The following PICALM variants were observed in gnomAD, a reference collection of about 807,000 sequenced individuals.
The protein encoded by PICALM is phosphatidylinositol-binding clathrin assembly protein.
In PICALM, 40 loss-of-function variants were observed where a neutral mutation model predicts 80.5. The ratio of observed to expected loss-of-function variants is 0.50; its 90% CI spans 0.39 to 0.65. The LOEUF is 0.65. Ranked by LOEUF, PICALM falls within the 30% of genes least tolerant of loss-of-function variation. The pLI, the probability that PICALM is intolerant of heterozygous loss-of-function variation, is 0.00. For synonymous variants in PICALM, 288 were observed against 260.3 expected, an observed-to-expected ratio of 1.11 and a Z score of -1.02; for missense variants, 676 against 778.9, an observed-to-expected ratio of 0.87 and a Z score of 1.57.
intron 2 of PICALM, among the ~76,000 whole-genome samples, chr11:86,031,134 A>C (rs1040691619): frequency 6.6e-5 from 10 of 151,144 alleles, no homozygotes; most frequent in African/African-American, 2.4e-4. Context: ...AACAAACAAA[A>C]AATCTAACTG....
At chr11:86,069,594 T>G (rs2096489470), upstream of PICALM, 1 of 152,270 alleles carries the variant, frequency 6.6e-6, no homozygotes, top group Non-Finnish European at 1.5e-5. Flanking sequence ...CAAGAATGTA[T>G]TTCAAGACGC....
intron 2 of PICALM, among the ~76,000 whole-genome samples, chr11:86,026,983 A>G (rs1047779054): frequency 2.6e-5 from 4 of 152,166 alleles, no homozygotes; most frequent in Non-Finnish European, 5.9e-5. Context: ...TAAACTATCC[A>G]AGTGTTTTCT....
At position 86,068,634 on chromosome 11, in the gene PICALM, C is replaced by A. The variant is rs1446826841; in HGVS notation, c.130+17G>T. On this transcript the variant is annotated intron_variant, in intron 1 of 19. Transcript: ENST00000393346. ...CGCGGGCGCCGGGGAGCGGGGGCCG[C>A]GGTCGGCTTCACTCACAGTCCAGGT... 4 of 1,596,204 alleles carry A rather than the reference C, an allele frequency of 2.5e-6. No individual in the cohort carries two copies. The Admixed American group carries it at 7.3e-5, about 29-fold the overall frequency.
chr11:86,047,888 T>A (rs55815523), intron 1 of PICALM, among the ~76,000 whole-genome samples: 24,062 of 151,692 alleles, frequency 0.16, 2,457 homozygotes, highest in Middle Eastern at 0.24. Flanking sequence ...TCACCTGAGG[T>A]CAGGAGTTTG....
intron 14 of PICALM, among the ~76,000 whole-genome samples, chr11:85,982,900 C>T (rs1282581746): frequency 6.6e-6 from 1 of 152,040 alleles, no homozygotes; most frequent in East Asian, 1.9e-4. Context: ...TCCAATCAAA[C>T]AAACCCTCTA....
chr11:86,056,815 A>G (rs1173639321), intron 1 of PICALM, among the ~76,000 whole-genome samples: 2 of 152,250 alleles, frequency 1.3e-5, no homozygotes, highest in African/African-American at 4.8e-5. Flanking sequence ...GTGGGTAACT[A>G]TACAAGGGAG....
chr11:85,973,261 G>T (rs2094167376), intron 19 of PICALM, among the ~76,000 whole-genome samples: 1 of 152,158 alleles, frequency 6.6e-6, no homozygotes, highest in Non-Finnish European at 1.5e-5. Context: ...AATTTATTAA[G>T]AGACGCATTA....
intron 4 of PICALM, 32 bp downstream of exon 4, chr11:86,022,330 TTCAAA>T (rs1462891229): frequency 9.0e-7 from 1 of 1,114,912 alleles, no homozygotes; most frequent in South Asian, 1.3e-5. Context: ...TTTTTAAAAA[TTCAAA>T]TCAATTAGAT....
At chr11:85,987,516 T>C (rs2135835411) in intron 13 of PICALM, among the ~76,000 whole-genome samples, 1 of 152,350 alleles carries the variant, frequency 6.6e-6, no homozygotes, top group African/African-American at 2.4e-5. Context: ...CTTTGGCAAT[T>C]TTAAAATCTA....
chr11:86,049,485 A>G (rs776611957), intron 1 of PICALM, among the ~76,000 whole-genome samples: 13 of 152,110 alleles, frequency 8.5e-5, no homozygotes, highest in Admixed American at 4.6e-4. Context: ...AAATTCCCCC[A>G]TGACAGCTCG....
At position 85,969,422 on chromosome 11, in the gene PICALM, G is replaced by T. The variant is rs535186369; in HGVS notation, c.1944+5286C>A. The stretch of plus-strand genomic sequence containing the variant: ...TTGATTAAAAGATTCCATTTTGATG[G>T]AATTTCATTTTTCATTTAAACTACC... On this transcript the variant is annotated intron_variant, in intron 19 of 19. Coordinates refer to ENST00000393346, the MANE Select transcript of PICALM (RefSeq NM_007166.4). Among the ~76,000 whole-genome samples, 4 of 152,200 alleles carry T rather than the reference G, an allele frequency of 2.6e-5. No homozygotes were observed. The East Asian group carries it at 7.7e-4, about 29-fold the overall frequency.
At chr11:86,011,891 C>T (rs1299686349) in intron 6 of PICALM, among the ~76,000 whole-genome samples, 1 of 141,636 alleles carries the variant, frequency 7.1e-6, no homozygotes, top group African/African-American at 2.6e-5. Flanking sequence ...GCTCTTGTTG[C>T]CCAGGCTGGA....
intron 2 of PICALM, among the ~76,000 whole-genome samples, chr11:86,029,631 G>A (rs1340373008): frequency 6.6e-6 from 1 of 152,090 alleles, no homozygotes; most frequent in Non-Finnish European, 1.5e-5. Context: ...GCCTCTGAAA[G>A]CCATTATTGA....
chr11:86,069,000 GC>G lies in PICALM; in HGVS notation c.-221del. 1.8e-6 allele frequency: 1 copy of G among 569,326 alleles called. No homozygotes were observed. Among genetic ancestry groups the G allele is most frequent in the Non-Finnish European group, 3.1e-6 (1 of 327,090 alleles). The allele number at this position is 569,326 out of a possible 1,614,324, so 35.3% of individuals were successfully genotyped here. ...CGGACAAGATGTCGGGCACTCCCTTGCCCCCGCCTCAGTTCAGCCCACCCCT... is the reference window on the plus strand; with the variant it reads ...CGGACAAGATGTCGGGCACTCCCTTGCCCCGCCTCAGTTCAGCCCACCCCT... On this transcript the variant is annotated 5_prime_UTR_variant, in exon 1 of 20. Coordinates refer to ENST00000393346, the MANE Select transcript of PICALM (RefSeq NM_007166.4).
chr11:86,066,759 C>A (rs59317298), intron 1 of PICALM, among the ~76,000 whole-genome samples: 2,089 of 139,886 alleles, frequency 0.015, 45 homozygotes, highest in African/African-American at 0.048. Context: ...AAAAAAAAAA[C>A]AAAAAAAAAC....
At position 85,976,676 on chromosome 11, in the gene PICALM, G is replaced by C. The variant is rs147556602; in HGVS notation, c.1786C>G (p.Pro596Ala). The change falls in exon 18 of 20, where the codon CCT (proline) becomes GCT (alanine). Residue 596 changes from proline (P) to alanine (A), a missense_variant. Transcript: ENST00000393346. The stretch of plus-strand genomic sequence containing the variant: ...GTAGTAGCAGGATAGGCCATTACAG[G>C]GGGTGCCTAACATAGTGAAAGGAAA... ...TAWNAATMAP[P>A]VMAYPATTPT... 420 of 1,589,712 alleles carry C rather than the reference G, an allele frequency of 2.6e-4. No homozygotes were observed. The highest frequency in any genetic ancestry group is 1.3e-3 in the Admixed American group (79 of 59,932).
At chr11:86,057,028 G>A (rs1019007017) in intron 1 of PICALM, among the ~76,000 whole-genome samples, 15 of 152,108 alleles carry the variant, frequency 9.9e-5, no homozygotes, top group Admixed American at 3.9e-4. Context: ...AGGAGTGACC[G>A]TTAACAGATA....
intron 3 of PICALM, among the ~76,000 whole-genome samples, chr11:86,024,708 C>T (rs1272861405): frequency 2.0e-5 from 3 of 152,176 alleles, no homozygotes; most frequent in African/African-American, 4.8e-5. Flanking sequence ...TCTGCCACTA[C>T]ATGTTCTCAA....
intron 13 of PICALM, among the ~76,000 whole-genome samples, chr11:85,988,337 G>T (rs939231009): frequency 6.6e-6 from 1 of 152,048 alleles, no homozygotes; most frequent in Non-Finnish European, 1.5e-5. Context: ...TTTAATTAAG[G>T]CAAATGAAGT....
Sources: gnomAD v4.1 joint callset for allele counts (sites outside exome capture counted in the v4.1 genomes callset) on GRCh38, gnomAD v4.1.1 for gene constraint, MANE v1.5 for transcripts, NCBI Gene and HGNC (gene_info 2026-07-23, HGNC 2026-07-21) for gene names.